Variants in OSBPL6 observed in about 807,000 individuals in gnomAD.
The protein encoded by OSBPL6 is oxysterol-binding protein-related protein 6.
OSBPL6 carries 49 observed loss-of-function variants against 125.8 expected under a neutral mutation model. That is an observed-to-expected ratio of 0.39 (90% CI 0.31 to 0.49). The LOEUF is 0.49. OSBPL6 is among the 20% of genes least tolerant of loss of function. OSBPL6 has a pLI of 0.88. For missense variants in OSBPL6, 986 were observed against 1,135.4 expected (o/e 0.87, Z 1.89); for synonymous variants, 394 against 391.8 (o/e 1.01, Z -0.07).
intron 2 of OSBPL6, among the ~76,000 whole-genome samples, chr2:178,291,107 G>GT (rs35976901): frequency 0.35 from 51,415 of 146,278 alleles, 9,860 homozygotes; most frequent in East Asian, 0.58. Context: ...ACTATGAGGT[G>GT]TTTTTTTTTT....
chr2:178,302,001 G>A (rs1686338467), intron 2 of OSBPL6, among the ~76,000 whole-genome samples: 1 of 152,174 alleles, frequency 6.6e-6, no homozygotes, highest in South Asian at 2.1e-4. Flanking sequence ...GCTTGGTTGT[G>A]ACTCATTGCA....
intron 1 of OSBPL6, among the ~76,000 whole-genome samples, chr2:178,258,713 C>A (rs974004273): frequency 6.6e-6 from 1 of 151,958 alleles, no homozygotes; most frequent in African/African-American, 2.4e-5. Context: ...TCCTGTATGT[C>A]CTTTTGCTGT....
intron 1 of OSBPL6, among the ~76,000 whole-genome samples, chr2:178,252,754 C>A (rs1361547213): frequency 6.6e-6 from 1 of 152,156 alleles, no homozygotes; most frequent in Non-Finnish European, 1.5e-5. Flanking sequence ...TGTCTTTGGT[C>A]AGCATGAGTT....
At chr2:178,340,343 C>G (rs1690091140) in intron 11 of OSBPL6, among the ~76,000 whole-genome samples, 1 of 152,074 alleles carries the variant, frequency 6.6e-6, no homozygotes, top group African/African-American at 2.4e-5. Context: ...TATCTTTCAA[C>G]TCTAAAATTC....
intron 1 of OSBPL6, among the ~76,000 whole-genome samples, chr2:178,195,499 G>A (rs1410119510): frequency 1.3e-5 from 2 of 152,250 alleles, no homozygotes; most frequent in East Asian, 1.9e-4. Flanking sequence ...TCTCCCCAAA[G>A]CTTCTGCTGC....
intron 14 of OSBPL6, among the ~76,000 whole-genome samples, chr2:178,373,572 G>A (rs1239022006): frequency 6.6e-6 from 1 of 152,174 alleles, no homozygotes. Flanking sequence ...GAATATGACA[G>A]ACCTAAGAAT....
At chr2:178,327,349 A>G (rs1383303500) in intron 4 of OSBPL6, among the ~76,000 whole-genome samples, 1 of 152,146 alleles carries the variant, frequency 6.6e-6, no homozygotes, top group Admixed American at 6.5e-5. Flanking sequence ...CAAACTTCCA[A>G]ATCTAGCCAG....
chr2:178,387,953 G>A (rs1312016331), intron 20 of OSBPL6, among the ~76,000 whole-genome samples: 3 of 151,940 alleles, frequency 2.0e-5, no homozygotes, highest in South Asian at 2.1e-4. Flanking sequence ...GCAGTGAGCC[G>A]AGATTGTGCC....
chr2:178,383,773 C>T (rs1694697727), intron 17 of OSBPL6, among the ~76,000 whole-genome samples: 1 of 152,206 alleles, frequency 6.6e-6, no homozygotes, highest in Admixed American at 6.5e-5. Context: ...AACCTTTGAA[C>T]TCTGTGATAC....
At chr2:178,350,477 T>G (rs942381964) in intron 12 of OSBPL6, among the ~76,000 whole-genome samples, 1 of 152,220 alleles carries the variant, frequency 6.6e-6, no homozygotes, top group African/African-American at 2.4e-5. Context: ...GGGGGCACAC[T>G]GAAGATCTCT....
chr2:178,256,721 C>T (rs1236798219), intron 1 of OSBPL6, among the ~76,000 whole-genome samples: 2 of 152,170 alleles, frequency 1.3e-5, no homozygotes, highest in Non-Finnish European at 2.9e-5. Flanking sequence ...AAAATTAATG[C>T]AAAATACTTT....
In OSBPL6 at chr2:178,382,867, C is replaced by T. The variant is rs974338900; in HGVS notation, c.1622-157C>T. ...CACTGTTGTTTTCTGCATTTATTAGCAACCTTGCATTGAAAGAATTCCATT... is the reference window on the plus strand; with the variant it reads ...CACTGTTGTTTTCTGCATTTATTAGTAACCTTGCATTGAAAGAATTCCATT... On this transcript the variant is annotated intron_variant, in intron 16 of 24. Coordinates refer to ENST00000190611, the MANE Select transcript of OSBPL6 (RefSeq NM_032523.4). The T allele has an allele frequency of 2.9e-6, 4 of 1,392,390 alleles. 1 individual carries two copies. Among genetic ancestry groups the T allele is most frequent in the Admixed American group, 2.8e-5 (1 of 35,768 alleles). 86.3% of individuals were successfully genotyped at this position (1,392,390 alleles called of 1,614,324 possible). A position where few individuals can be genotyped will look rare whatever the true frequency, so the allele number is the denominator to read the frequency against.
chr2:178,359,462 G>C (rs1166096003), intron 12 of OSBPL6, among the ~76,000 whole-genome samples: 2 of 151,850 alleles, frequency 1.3e-5, no homozygotes, highest in African/African-American at 2.4e-5. Context: ...AGTGTACGTT[G>C]GTGCAGCCAT....
intron 2 of OSBPL6, among the ~76,000 whole-genome samples, chr2:178,305,607 T>A (rs1425545365): frequency 6.6e-6 from 1 of 152,250 alleles, no homozygotes; most frequent in African/African-American, 2.4e-5. Flanking sequence ...ACTGACTACT[T>A]TGTGTTGGAT....
chr2:178,392,268 T>G (rs752186267), intron 22 of OSBPL6, 144 bp from the exon 23 acceptor site: 1 of 961,990 alleles, frequency 1.0e-6, no homozygotes, highest in Non-Finnish European at 1.5e-6. Context: ...TACCACCAAT[T>G]TAATTCACTT....
At chr2:178,316,402 AAC>A (rs1403532667) in intron 3 of OSBPL6, among the ~76,000 whole-genome samples, 1 of 152,252 alleles carries the variant, frequency 6.6e-6, no homozygotes, top group Non-Finnish European at 1.5e-5. Context: ...AAAAATTAGA[AAC>A]AGTCTAATGT....
chr2:178,220,784 C>A (rs2090305368), intron 1 of OSBPL6, among the ~76,000 whole-genome samples: 1 of 152,228 alleles, frequency 6.6e-6, no homozygotes, highest in African/African-American at 2.4e-5. Flanking sequence ...TGCAGCCATA[C>A]TCTGTCACTT....
At chr2:178,301,381 T>C (rs1686268527) in intron 2 of OSBPL6, among the ~76,000 whole-genome samples, 1 of 152,176 alleles carries the variant, frequency 6.6e-6, no homozygotes, top group Non-Finnish European at 1.5e-5. Flanking sequence ...TGTGGTAGTC[T>C]TATTTGTAAT....
intron 2 of OSBPL6, among the ~76,000 whole-genome samples, chr2:178,300,444 T>C (rs1686175750): frequency 1.3e-5 from 2 of 152,180 alleles, no homozygotes; most frequent in African/African-American, 4.8e-5. Context: ...AGGATGAAGG[T>C]CTGCTTTTTT....
Sources: allele counts gnomAD v4.1 joint callset (sites outside exome capture counted in the v4.1 genomes callset), GRCh38; gene constraint gnomAD v4.1.1; transcripts MANE v1.5; gene names NCBI Gene and HGNC (gene_info 2026-07-23, HGNC 2026-07-21).